Variants in NUP37 observed in about 807,000 individuals in gnomAD.
NUP37 encodes nucleoporin 37, also known as nucleoporin Nup37.
NUP37 carries 33 observed loss-of-function variants against 45.4 expected under a neutral mutation model. The ratio of observed to expected loss-of-function variants is 0.73; its 90% confidence interval spans 0.55 to 0.97. The LOEUF is 0.97. NUP37 is among the 50% of genes least tolerant of loss of function. The probability of loss-of-function intolerance (pLI) is 0.00; values close to 1 mark genes in which losing one functional copy is unlikely to be tolerated. For synonymous variants in NUP37, 127 were observed against 130.7 expected (o/e 0.97, Z 0.19); for missense variants, 365 against 389.7 (o/e 0.94, Z 0.53).
chr12:102,098,240 T>C (rs1013277374), intron 5 of NUP37, among the ~76,000 whole-genome samples: 9 of 152,172 alleles, frequency 5.9e-5, no homozygotes, highest in Non-Finnish European at 1.3e-4. Context: ...TTATTTGTGA[T>C]ATTCTCCAGC....
chr12:102,081,658 C>T (rs1182237206), intron 6 of NUP37, among the ~76,000 whole-genome samples: 1 of 151,954 alleles, frequency 6.6e-6, no homozygotes, highest in East Asian at 1.9e-4. Flanking sequence ...TAGTACAGTC[C>T]CTGGAAAATA....
intron 5 of NUP37, among the ~76,000 whole-genome samples, chr12:102,096,541 A>G (rs2136735004): frequency 6.6e-6 from 1 of 152,326 alleles, no homozygotes; most frequent in Middle Eastern, 3.4e-3. Flanking sequence ...AAAGTGAAAC[A>G]TCAGAAAATA....
At chr12:102,084,467 G>C (rs932434951) in intron 6 of NUP37, among the ~76,000 whole-genome samples, 3 of 123,622 alleles carry the variant, frequency 2.4e-5, no homozygotes, top group African/African-American at 1.0e-4. Flanking sequence ...GTAACATGGT[G>C]AAACTGTTTC....
At chr12:102,106,775 C>T (rs1385293464) in intron 3 of NUP37, among the ~76,000 whole-genome samples, 2 of 152,114 alleles carry the variant, frequency 1.3e-5, no homozygotes, top group Non-Finnish European at 2.9e-5. Context: ...GTGAAACTGG[C>T]CCAACTTCCC....
At chr12:102,098,318 T>C (rs567272494) in intron 5 of NUP37, among the ~76,000 whole-genome samples, 1 of 152,346 alleles carries the variant, frequency 6.6e-6, no homozygotes, top group Non-Finnish European at 1.5e-5. Flanking sequence ...TAGAAGAACA[T>C]AATAGTTAAA....
intron 3 of NUP37, among the ~76,000 whole-genome samples, chr12:102,109,981 C>G (rs1031910392): frequency 2.0e-5 from 3 of 152,190 alleles, no homozygotes; most frequent in African/African-American, 7.2e-5. Context: ...AGCACACCAG[C>G]TGTTGGCAAT....
chr12:102,118,721 A>G, intron 1 of NUP37, 138 bp from the exon 2 acceptor site: 1 of 501,964 alleles, frequency 2.0e-6, no homozygotes, highest in Non-Finnish European at 3.5e-6. Flanking sequence ...AGGGACAGAA[A>G]CTGCAGGAAA....
chr12:102,098,516 T>C (rs2136737362), intron 5 of NUP37, among the ~76,000 whole-genome samples: 1 of 152,184 alleles, frequency 6.6e-6, no homozygotes, highest in African/African-American at 2.4e-5. Flanking sequence ...TATTGAAGAA[T>C]TTGATCCAAT....
chr12:102,077,561 A>G, intron 6 of NUP37, 58 bp from the exon 7 acceptor site: 1 of 1,458,144 alleles, frequency 6.9e-7, no homozygotes, highest in Non-Finnish European at 9.4e-7. Flanking sequence ...CTATACCTGA[A>G]GTGTAAGCAG....
At chr12:102,078,314 G>A (rs1402292961) in intron 6 of NUP37, among the ~76,000 whole-genome samples, 2 of 147,384 alleles carry the variant, frequency 1.4e-5, no homozygotes, top group Admixed American at 1.4e-4. Flanking sequence ...CAACAAGAGC[G>A]AAATTCCTTC....
At chr12:102,112,689 G>A (rs1359028518) in intron 2 of NUP37, among the ~76,000 whole-genome samples, 2 of 151,918 alleles carry the variant, frequency 1.3e-5, no homozygotes, top group East Asian at 1.9e-4. Context: ...AGATATTCTA[G>A]GTAAATGAAT....
intron 3 of NUP37, among the ~76,000 whole-genome samples, chr12:102,110,826 T>C (rs1379367567): frequency 2.0e-5 from 3 of 152,146 alleles, no homozygotes; most frequent in South Asian, 2.1e-4. Flanking sequence ...GCCTGGGCAA[T>C]AGAGCCAGAC....
chr12:102,115,009 A>G (rs1880423528), intron 2 of NUP37, among the ~76,000 whole-genome samples: 1 of 152,234 alleles, frequency 6.6e-6, no homozygotes, highest in African/African-American at 2.4e-5. Flanking sequence ...AGACACACTA[A>G]GCAGCAGATT....
chr12:102,089,527 G>C (rs1477360717), intron 5 of NUP37, among the ~76,000 whole-genome samples: 1 of 141,008 alleles, frequency 7.1e-6, no homozygotes, highest in African/African-American at 2.7e-5. Context: ...CCTCCCAGAC[G>C]GGGCGGCCAG....
In NUP37 at chr12:102,086,772, A is replaced by G. The variant is rs190894051; in HGVS notation, c.450-916T>C. Among the ~76,000 whole-genome samples, 491 of 152,326 alleles carry G rather than the reference A, an allele frequency of 3.2e-3. 4 individuals carry two copies. The highest frequency in any genetic ancestry group is 0.014 in the Middle Eastern group (4 of 294). ...TCGGTGGGAGGCTGGCAAAGTGCACATATAATTCTGATCCTTAAGAACTGA... is the reference window on the plus strand; with the variant it reads ...TCGGTGGGAGGCTGGCAAAGTGCACGTATAATTCTGATCCTTAAGAACTGA... On this transcript the variant is annotated intron_variant, in intron 5 of 9. Coordinates refer to ENST00000552283, the MANE Select transcript of NUP37 (RefSeq NM_024057.4).
chr12:102,098,269 GT>G (rs1879868475), intron 5 of NUP37, among the ~76,000 whole-genome samples: 1 of 152,078 alleles, frequency 6.6e-6, no homozygotes, highest in African/African-American at 2.4e-5. Context: ...CTATTAAAAT[GT>G]TATAGCTACC....
chr12:102,100,036 C>T lies in NUP37; in HGVS notation c.355-836G>A, dbSNP rs554277139. On this transcript the variant is annotated intron_variant, in intron 4 of 9. Transcript: ENST00000552283. ...GTCAAACATTCCTGAGCAACTTTAA[C>T]AAACCCAGGTCCTCCAAATCATTCT... Among the ~76,000 whole-genome samples the T allele has an allele frequency of 4.0e-5, 6 of 151,784 alleles. No individual in the cohort carries two copies. The South Asian group carries it at 8.3e-4, about 21-fold the overall frequency.
intron 3 of NUP37, among the ~76,000 whole-genome samples, chr12:102,107,746 C>CA (rs1270294088): frequency 6.6e-6 from 1 of 151,512 alleles, no homozygotes; most frequent in Non-Finnish European, 1.5e-5. Flanking sequence ...CAAAGCAGGA[C>CA]AAAAAAATAC....
chr12:102,117,809 G>C (rs1457549486), intron 2 of NUP37, among the ~76,000 whole-genome samples: 1 of 152,200 alleles, frequency 6.6e-6, no homozygotes, highest in Admixed American at 6.5e-5. Context: ...AAGTAAAGCA[G>C]GAGTAAACAT....
Sources: gnomAD v4.1 joint callset for allele counts (sites outside exome capture counted in the v4.1 genomes callset) on GRCh38, gnomAD v4.1.1 for gene constraint, MANE v1.5 for transcripts, NCBI Gene and HGNC (gene_info 2026-07-23, HGNC 2026-07-21) for gene names.